The following DPP10 variants were observed in gnomAD, a reference collection of about 807,000 sequenced individuals.
DPP10 encodes the protein inactive dipeptidyl peptidase 10.
Under a neutral mutation model 120.9 loss-of-function variants are expected in DPP10, and 33 were observed. The observed-to-expected ratio is 0.27, with a 90% CI of 0.21 to 0.37. The LOEUF is 0.37. DPP10 is among the 10% of genes least tolerant of loss of function. The probability of loss-of-function intolerance (pLI) is 1.00; values close to 1 mark genes in which losing one functional copy is unlikely to be tolerated. For synonymous variants in DPP10, 337 were observed against 326.1 expected (o/e 1.03, Z -0.36); for missense variants, 816 against 942.8 (o/e 0.87, Z 1.76).
chr2:114,927,806 G>A (rs915607011), intron 1 of DPP10, among the ~76,000 whole-genome samples: 2 of 152,170 alleles, frequency 1.3e-5, no homozygotes, highest in Non-Finnish European at 2.9e-5. Flanking sequence ...CATGACACTG[G>A]CATCCATATG....
intron 1 of DPP10, among the ~76,000 whole-genome samples, chr2:115,276,409 T>A (rs2059923993): frequency 6.6e-6 from 1 of 152,162 alleles, no homozygotes; most frequent in African/African-American, 2.4e-5. Context: ...TCCCTGCATT[T>A]TTATCTTAAA....
intron 1 of DPP10, among the ~76,000 whole-genome samples, chr2:114,598,489 A>G (rs1320979536): frequency 2.6e-5 from 4 of 151,916 alleles, no homozygotes; most frequent in African/African-American, 7.2e-5. Flanking sequence ...CACAGTGTCT[A>G]TAACTGCGTT....
At chr2:115,685,794 A>G (rs979634222) in intron 5 of DPP10, among the ~76,000 whole-genome samples, 5 of 152,064 alleles carry the variant, frequency 3.3e-5, no homozygotes, top group African/African-American at 1.2e-4. Flanking sequence ...CAGAATTTGG[A>G]TAACTTCTGT....
chr2:115,718,381 G>A (rs1208992882), intron 7 of DPP10, among the ~76,000 whole-genome samples: 1 of 152,126 alleles, frequency 6.6e-6, no homozygotes, highest in Non-Finnish European at 1.5e-5. Flanking sequence ...CTGTCAGGAT[G>A]AGATCTCATG....
intron 1 of DPP10, among the ~76,000 whole-genome samples, chr2:115,219,842 C>T (rs954522831): frequency 1.4e-4 from 22 of 152,100 alleles, no homozygotes; most frequent in African/African-American, 4.8e-4. Context: ...TACTATCTTG[C>T]CTGGCTTTTA....
chr2:115,736,319 A>T (rs1004066044), intron 8 of DPP10, among the ~76,000 whole-genome samples: 1 of 152,160 alleles, frequency 6.6e-6, no homozygotes, highest in African/African-American at 2.4e-5. Context: ...TCCCGGCTTC[A>T]AGGTTATTGC....
At chr2:115,575,575 A>T (rs2081604382) in intron 5 of DPP10, among the ~76,000 whole-genome samples, 1 of 152,180 alleles carries the variant, frequency 6.6e-6, no homozygotes. Context: ...TGTGTTCAGA[A>T]CTGCCCGAAG....
At chr2:115,777,146 G>A (rs549106688) in intron 13 of DPP10, 62 bp from the exon 14 acceptor site, 55 of 1,458,476 alleles carry the variant, frequency 3.8e-5, no homozygotes, top group African/African-American at 7.0e-5. Context: ...TGGTACATTC[G>A]TGTTTACCAG....
chr2:114,779,738 G>C (rs1427326062), intron 1 of DPP10, among the ~76,000 whole-genome samples: 1 of 152,158 alleles, frequency 6.6e-6, no homozygotes, highest in Non-Finnish European at 1.5e-5. Flanking sequence ...ACCCAGAAAT[G>C]CTGCCAGTAC....
intron 3 of DPP10, among the ~76,000 whole-genome samples, chr2:115,454,163 C>G (rs2073341466): frequency 6.6e-6 from 1 of 151,424 alleles, no homozygotes; most frequent in Non-Finnish European, 1.5e-5. Flanking sequence ...TAGTAGTAAT[C>G]TTTCCTACTG....
intron 10 of DPP10, 62 bp downstream of exon 10, chr2:115,746,245 G>A (rs991158256): frequency 1.4e-6 from 2 of 1,411,658 alleles, no homozygotes; most frequent in Non-Finnish European, 9.9e-7. Context: ...TTATCATTTT[G>A]TTGCAATTTA....
At chr2:115,427,105 A>T (rs2070548021) in intron 3 of DPP10, among the ~76,000 whole-genome samples, 1 of 152,198 alleles carries the variant, frequency 6.6e-6, no homozygotes, top group Admixed American at 6.5e-5. Context: ...AATGTCCCAC[A>T]TACAGGGCAC....
intron 1 of DPP10, among the ~76,000 whole-genome samples, chr2:114,529,212 A>G (rs1004699778): frequency 9.2e-5 from 14 of 152,002 alleles, no homozygotes; most frequent in Admixed American, 6.6e-5. Flanking sequence ...TTGACTCCTG[A>G]ATTTTGCTCA....
At chr2:115,615,391 T>C (rs2084415714) in intron 5 of DPP10, among the ~76,000 whole-genome samples, 1 of 152,230 alleles carries the variant, frequency 6.6e-6, no homozygotes, top group Non-Finnish European at 1.5e-5. Flanking sequence ...ATGGATATTA[T>C]TTGTCTCATT....
chr2:115,066,240 T>C (rs1451098002), intron 1 of DPP10, among the ~76,000 whole-genome samples: 2 of 152,218 alleles, frequency 1.3e-5, no homozygotes, highest in African/African-American at 2.4e-5. Context: ...ACGTATATTA[T>C]TCTTTGCCAA....
chr2:115,636,244 A>G (rs2086323191), intron 5 of DPP10, among the ~76,000 whole-genome samples: 1 of 152,160 alleles, frequency 6.6e-6, no homozygotes, highest in Admixed American at 6.5e-5. Flanking sequence ...ATATTAAATC[A>G]AAATATGTAA....
intron 1 of DPP10, among the ~76,000 whole-genome samples, chr2:114,726,054 A>T (rs2105923828): frequency 6.6e-6 from 1 of 152,136 alleles, no homozygotes; most frequent in East Asian, 1.9e-4. Flanking sequence ...AACATGGTGA[A>T]ACCCCGTCTC....
At chr2:114,951,718 C>T (rs1054921020) in intron 1 of DPP10, among the ~76,000 whole-genome samples, 4 of 152,026 alleles carry the variant, frequency 2.6e-5, no homozygotes, top group African/African-American at 4.8e-5. Context: ...GAATGAATAT[C>T]ACTTCTCTGG....
chr2:115,350,838 G>A (rs1167046980), intron 3 of DPP10, among the ~76,000 whole-genome samples: 3 of 151,924 alleles, frequency 2.0e-5, no homozygotes, highest in African/African-American at 7.3e-5. Flanking sequence ...TAGTACCCTA[G>A]CCCCCAAAGG....
Sources: gnomAD v4.1 joint callset for allele counts (sites outside exome capture counted in the v4.1 genomes callset) on GRCh38, gnomAD v4.1.1 for gene constraint, MANE v1.5 for transcripts, NCBI Gene and HGNC (gene_info 2026-07-23, HGNC 2026-07-21) for gene names.